The following DLG2 variants were observed in gnomAD, a reference collection of about 807,000 sequenced individuals.
The protein encoded by DLG2 is disks large homolog 2.
DLG2 carries 45 observed loss-of-function variants against 132.5 expected under a neutral mutation model. The observed-to-expected ratio is 0.34, with a 90% confidence interval of 0.27 to 0.44. The LOEUF (loss-of-function observed/expected upper bound fraction) is 0.44. Among genes scored for constraint, DLG2 ranks in the 20% least tolerant of loss-of-function variants. The pLI is 1.00. For synonymous variants in DLG2, 424 were observed against 419.6 expected, an observed-to-expected ratio of 1.01 and a Z score of -0.13; for missense variants, 1,045 against 1,196.9, an observed-to-expected ratio of 0.87 and a Z score of 1.87.
Position 85,518,411 on chromosome 11 carries a change from G to A in DLG2, c.40+80246C>T, listed in dbSNP as rs183870992. ...CTGTTGTGTTTTAGCAAAGAGATTG[G>A]AAGCATTTGGCCCCTGCACTAGAGA... On this transcript the variant is annotated intron_variant, in intron 3 of 27. Coordinates refer to ENST00000376104, the MANE Select transcript of DLG2 (RefSeq NM_001142699.3). Among the ~76,000 whole-genome samples, 87 of 152,306 alleles carry A rather than the reference G, an allele frequency of 5.7e-4. 1 individual carries two copies. The East Asian group carries it at 0.016, about 28-fold the overall frequency.
intron 3 of DLG2, among the ~76,000 whole-genome samples, chr11:85,569,865 T>C (rs2077743162): frequency 6.6e-6 from 1 of 152,176 alleles, no homozygotes; most frequent in Non-Finnish European, 1.5e-5. Flanking sequence ...GGCCCACCAA[T>C]CCCATTACTG....
chr11:83,966,318 T>A (rs1233509056), intron 12 of DLG2, among the ~76,000 whole-genome samples: 1 of 152,034 alleles, frequency 6.6e-6, no homozygotes, highest in Non-Finnish European at 1.5e-5. Context: ...ATGGTTCTCA[T>A]CAAAATGTCA....
chr11:83,763,046 C>A (rs1303350774), intron 18 of DLG2, among the ~76,000 whole-genome samples: 1 of 152,174 alleles, frequency 6.6e-6, no homozygotes, highest in East Asian at 1.9e-4. Flanking sequence ...CCCTTGAAGG[C>A]AAAGTTCCCT....
chr11:84,865,616 T>A (rs540089984), intron 6 of DLG2, among the ~76,000 whole-genome samples: 2 of 152,292 alleles, frequency 1.3e-5, no homozygotes, highest in Non-Finnish European at 2.9e-5. Context: ...AAGGTAACAG[T>A]TATTGATTTT....
rs190835988 is a variant in DLG2, at chr11:84,598,103, G to T, written c.358-63372C>A. On this transcript the variant is annotated intron_variant, in intron 6 of 27. Coordinates refer to ENST00000376104, the MANE Select transcript of DLG2 (RefSeq NM_001142699.3). ...TTGCAGAGTAACAAGCTAAGATAAG[G>T]TTTGGGGAGTACTGTACCTAAATTC... 1.1e-4 allele frequency among the ~76,000 whole-genome samples: 16 copies of T among 152,266 alleles called. No homozygotes were observed. The East Asian group carries it at 3.1e-3, about 29-fold the overall frequency.
chr11:83,976,257 T>C (rs2092198510), intron 12 of DLG2, among the ~76,000 whole-genome samples: 1 of 151,964 alleles, frequency 6.6e-6, no homozygotes, highest in Non-Finnish European at 1.5e-5. Context: ...AAGAAATTAA[T>C]GGAGTTTTAT....
chr11:85,397,743 A>G (rs1202010982), intron 3 of DLG2, among the ~76,000 whole-genome samples: 1 of 152,192 alleles, frequency 6.6e-6, no homozygotes, highest in African/African-American at 2.4e-5. Flanking sequence ...TTAAATATAT[A>G]TGCGCCCAAT....
chr11:85,151,908 A>G (rs1222750299), intron 5 of DLG2, among the ~76,000 whole-genome samples: 1 of 152,216 alleles, frequency 6.6e-6, no homozygotes, highest in African/African-American at 2.4e-5. Context: ...GATCATGGGA[A>G]GCATTTAATG....
At chr11:83,830,330 A>G (rs1748116485) in intron 17 of DLG2, among the ~76,000 whole-genome samples, 1 of 152,322 alleles carries the variant, frequency 6.6e-6, no homozygotes, top group African/African-American at 2.4e-5. Context: ...TGAAGCAGAA[A>G]TACTTGCGAG....
intron 11 of DLG2, among the ~76,000 whole-genome samples, chr11:84,010,263 G>A (rs1457346288): frequency 6.6e-6 from 1 of 151,342 alleles, no homozygotes; most frequent in Non-Finnish European, 1.5e-5. Context: ...TATTTTGAAT[G>A]ATAAAATGAA....
chr11:84,137,334 GA>G (rs1254035763), intron 9 of DLG2, among the ~76,000 whole-genome samples: 1 of 152,018 alleles, frequency 6.6e-6, no homozygotes, highest in Non-Finnish European at 1.5e-5. Context: ...TATCATTAAA[GA>G]GAAAAAAATA....
intron 3 of DLG2, among the ~76,000 whole-genome samples, chr11:85,347,363 G>C (rs1250961535): frequency 6.6e-6 from 1 of 152,024 alleles, no homozygotes; most frequent in African/African-American, 2.4e-5. Flanking sequence ...TCCACTCCCT[G>C]TTATCTGATT....
intron 7 of DLG2, among the ~76,000 whole-genome samples, chr11:84,363,256 G>A (rs2098661454): frequency 6.6e-6 from 1 of 151,954 alleles, no homozygotes; most frequent in East Asian, 1.9e-4. Context: ...TTCTCTGATA[G>A]CCAGTGATGG....
intron 18 of DLG2, among the ~76,000 whole-genome samples, chr11:83,659,347 C>T (rs2073640000): frequency 6.6e-6 from 1 of 152,290 alleles, no homozygotes; most frequent in South Asian, 2.1e-4. Flanking sequence ...TCTTGGACCA[C>T]ACCCAGACCA....
intron 6 of DLG2, among the ~76,000 whole-genome samples, chr11:84,586,186 A>C (rs1448532158): frequency 6.9e-6 from 1 of 144,788 alleles, no homozygotes; most frequent in Non-Finnish European, 1.5e-5. Context: ...TTAATTGTTC[A>C]TTGTGATGGT....
chr11:83,637,009 G>A (rs1360825122), intron 18 of DLG2, among the ~76,000 whole-genome samples: 1 of 152,082 alleles, frequency 6.6e-6, no homozygotes, highest in Non-Finnish European at 1.5e-5. Flanking sequence ...AGTAAGATCT[G>A]GGTTTATAAA....
At chr11:84,284,121 C>A (rs1245832929) in intron 7 of DLG2, among the ~76,000 whole-genome samples, 2 of 152,098 alleles carry the variant, frequency 1.3e-5, no homozygotes, top group Non-Finnish European at 2.9e-5. Flanking sequence ...GTAATCCCAG[C>A]TACTCTGGAG....
chr11:84,069,441 G>C (rs930840454), intron 10 of DLG2, among the ~76,000 whole-genome samples: 38 of 152,216 alleles, frequency 2.5e-4, no homozygotes, highest in African/African-American at 8.9e-4. Flanking sequence ...GTAAGGCTGT[G>C]GACATGCAAA....
chr11:84,091,062 T>G (rs1370855452), intron 10 of DLG2, among the ~76,000 whole-genome samples: 3 of 152,194 alleles, frequency 2.0e-5, no homozygotes, highest in Non-Finnish European at 4.4e-5. Context: ...TTACTAGTGA[T>G]TAGCTTTGTG....
Sources: gnomAD v4.1 joint callset for allele counts (sites outside exome capture counted in the v4.1 genomes callset) on GRCh38, gnomAD v4.1.1 for gene constraint, MANE v1.5 for transcripts, NCBI Gene and HGNC (gene_info 2026-07-23, HGNC 2026-07-21) for gene names.